The following DPP10 variants were observed in gnomAD, a reference collection of about 807,000 sequenced individuals.
DPP10 encodes dipeptidyl peptidase like 10.
Under a neutral mutation model 120.9 loss-of-function variants are expected in DPP10, and 33 were observed. The observed-to-expected ratio is 0.27, with a 90% CI of 0.21 to 0.37. DPP10 has a LOEUF of 0.37. Among genes scored for constraint, DPP10 ranks in the 10% least tolerant of loss-of-function variants. The probability of loss-of-function intolerance (pLI) is 1.00; values close to 1 mark genes in which losing one functional copy is unlikely to be tolerated. For missense variants in DPP10, 816 were observed against 942.8 expected (o/e 0.87, Z 1.76); for synonymous variants, 337 against 326.1 (o/e 1.03, Z -0.36).
chr2:115,450,173 G>T (rs920351134), intron 3 of DPP10, among the ~76,000 whole-genome samples: 2 of 151,928 alleles, frequency 1.3e-5, no homozygotes, highest in Non-Finnish European at 2.9e-5. Flanking sequence ...GCTTAGTCTA[G>T]CCTGTCTTCA....
intron 1 of DPP10, among the ~76,000 whole-genome samples, chr2:114,862,768 A>G (rs1490393283): frequency 1.3e-5 from 2 of 152,120 alleles, no homozygotes; most frequent in Non-Finnish European, 2.9e-5. Flanking sequence ...AGAAGCAGTG[A>G]TATATGGCAA....
chr2:115,312,476 A>G (rs2061621609), intron 2 of DPP10, among the ~76,000 whole-genome samples: 1 of 152,128 alleles, frequency 6.6e-6, no homozygotes, highest in Non-Finnish European at 1.5e-5. Context: ...ACTTTTAGAA[A>G]TGATCTAGTC....
chr2:114,764,159 C>T (rs923041172), intron 1 of DPP10, among the ~76,000 whole-genome samples: 1 of 151,928 alleles, frequency 6.6e-6, no homozygotes, highest in Non-Finnish European at 1.5e-5. Context: ...TTGCAGTGAA[C>T]ATCAAAAATG....
chr2:114,668,434 G>A (rs2105610536), intron 1 of DPP10, among the ~76,000 whole-genome samples: 1 of 152,272 alleles, frequency 6.6e-6, no homozygotes. Flanking sequence ...CTACATTTGG[G>A]AGGAAGGATT....
At chr2:115,070,498 T>C (rs958300604) in intron 1 of DPP10, among the ~76,000 whole-genome samples, 2 of 152,102 alleles carry the variant, frequency 1.3e-5, no homozygotes, top group African/African-American at 2.4e-5. Flanking sequence ...AAATGATAAA[T>C]TACAATGAAA....
intron 8 of DPP10, among the ~76,000 whole-genome samples, chr2:115,733,320 G>A (rs1006693323): frequency 4.6e-5 from 7 of 152,130 alleles, no homozygotes; most frequent in African/African-American, 1.7e-4. Flanking sequence ...TTGAGCACTT[G>A]CTCAGTGTCA....
chr2:114,857,050 A>T (rs913107146), intron 1 of DPP10, among the ~76,000 whole-genome samples: 1 of 152,196 alleles, frequency 6.6e-6, no homozygotes, highest in African/African-American at 2.4e-5. Context: ...ACTGAGAATC[A>T]GAGGTAACAG....
chr2:114,523,041 T>C (rs1179339390), intron 1 of DPP10, among the ~76,000 whole-genome samples: 1 of 152,176 alleles, frequency 6.6e-6, no homozygotes, highest in East Asian at 1.9e-4. Flanking sequence ...TAGGTTAGGT[T>C]CTCTCGAAAC....
intron 3 of DPP10, among the ~76,000 whole-genome samples, chr2:115,494,430 A>G (rs1338781533): frequency 6.6e-6 from 1 of 152,146 alleles, no homozygotes; most frequent in Non-Finnish European, 1.5e-5. Context: ...TATTGAAGCC[A>G]TTTCTAATGG....
At chr2:114,935,803 A>G (rs1696415988) in intron 1 of DPP10, among the ~76,000 whole-genome samples, 1 of 151,986 alleles carries the variant, frequency 6.6e-6, no homozygotes, top group Admixed American at 6.6e-5. Context: ...CCTCCAGACA[A>G]TCTTACGAAG....
chr2:115,167,452 A>G (rs922596400), intron 1 of DPP10, among the ~76,000 whole-genome samples: 1 of 151,858 alleles, frequency 6.6e-6, no homozygotes, highest in Admixed American at 6.6e-5. Flanking sequence ...AGAAAGAAAG[A>G]AAGAATTATC....
At chr2:115,197,121 G>T (rs2055335632) in intron 1 of DPP10, among the ~76,000 whole-genome samples, 2 of 152,038 alleles carry the variant, frequency 1.3e-5, no homozygotes, top group African/African-American at 4.8e-5. Flanking sequence ...AGGCCGGGAG[G>T]GGTGGCTCAC....
At chr2:115,258,668 G>A (rs2059116659) in intron 1 of DPP10, among the ~76,000 whole-genome samples, 1 of 152,120 alleles carries the variant, frequency 6.6e-6, no homozygotes, top group Admixed American at 6.5e-5. Context: ...CACACATTGG[G>A]AGGCTGAGAT....
chr2:114,840,433 A>G (rs1688066294), intron 1 of DPP10, among the ~76,000 whole-genome samples: 1 of 151,946 alleles, frequency 6.6e-6, no homozygotes, highest in African/African-American at 2.4e-5. Flanking sequence ...AAACTCCCAA[A>G]TTTTCAGGTT....
intron 1 of DPP10, among the ~76,000 whole-genome samples, chr2:114,659,388 A>G (rs1488714192): frequency 6.6e-6 from 1 of 152,108 alleles, no homozygotes; most frequent in Non-Finnish European, 1.5e-5. Flanking sequence ...GGACCACCTC[A>G]CTGGGGACTA....
At chr2:115,486,640 G>C (rs566768824) in intron 3 of DPP10, among the ~76,000 whole-genome samples, 1 of 152,258 alleles carries the variant, frequency 6.6e-6, no homozygotes, top group African/African-American at 2.4e-5. Flanking sequence ...CTTTTGGTAA[G>C]AGTTTTAACT....
At chr2:114,788,302 C>T (rs1682935506) in intron 1 of DPP10, among the ~76,000 whole-genome samples, 1 of 152,094 alleles carries the variant, frequency 6.6e-6, no homozygotes, top group Non-Finnish European at 1.5e-5. Flanking sequence ...CATTTATACT[C>T]ATCCTATGTT....
At chr2:114,523,663 T>A (rs1685258769) in intron 1 of DPP10, among the ~76,000 whole-genome samples, 1 of 152,218 alleles carries the variant, frequency 6.6e-6, no homozygotes, top group African/African-American at 2.4e-5. Flanking sequence ...GGAGAGGAAA[T>A]GTGCCAGTGA....
At chr2:114,663,821 G>A (rs1347711355) in intron 1 of DPP10, among the ~76,000 whole-genome samples, 1 of 151,872 alleles carries the variant, frequency 6.6e-6, no homozygotes, top group Non-Finnish European at 1.5e-5. Flanking sequence ...GCCATAAAAA[G>A]TAGAATTGGA....
Sources: gnomAD v4.1 joint callset for allele counts (sites outside exome capture counted in the v4.1 genomes callset) on GRCh38, gnomAD v4.1.1 for gene constraint, MANE v1.5 for transcripts, NCBI Gene and HGNC (gene_info 2026-07-23, HGNC 2026-07-21) for gene names.